The following ST8SIA5 variants were observed in gnomAD, a reference collection of about 807,000 sequenced individuals.
ST8SIA5 encodes alpha-2,8-sialyltransferase 8E.
ST8SIA5 carries 24 observed loss-of-function variants against 40.2 expected under a neutral mutation model. The observed-to-expected ratio is 0.60, with a 90% CI of 0.43 to 0.84. ST8SIA5 has a LOEUF of 0.84. Among genes scored for constraint, ST8SIA5 ranks in the 40% least tolerant of loss-of-function variants. The pLI, the probability that ST8SIA5 is intolerant of heterozygous loss-of-function variation, is 0.00. For missense variants in ST8SIA5, 465 were observed against 498.5 expected, an observed-to-expected ratio of 0.93 and a Z score of 0.64; for synonymous variants, 198 against 201.8, an observed-to-expected ratio of 0.98 and a Z score of 0.16.
intron 1 of ST8SIA5, among the ~76,000 whole-genome samples, chr18:46,754,201 G>C (rs1159817851): frequency 6.6e-6 from 1 of 152,122 alleles, no homozygotes; most frequent in Non-Finnish European, 1.5e-5. Context: ...TGCAGTGTAG[G>C]TAGGGTCAGG....
intron 1 of ST8SIA5, among the ~76,000 whole-genome samples, chr18:46,726,646 C>T (rs371623222): frequency 2.0e-5 from 3 of 151,568 alleles, no homozygotes; most frequent in African/African-American, 4.8e-5. Context: ...AGGCCAGGCA[C>T]GGTGGCTCGT....
chr18:46,733,633 TG>T (rs1483113623), intron 1 of ST8SIA5, among the ~76,000 whole-genome samples: 3 of 140,948 alleles, frequency 2.1e-5, no homozygotes, highest in Non-Finnish European at 4.7e-5. Context: ...GGGCTTGGGG[TG>T]GGGGAGGAAT....
Position 46,750,134 on chromosome 18 carries a change from T to C in ST8SIA5, c.131+6244A>G, listed in dbSNP as rs116235652. ...TAACAGAAAACATTCAAACTCTTTATGGAGAATTATAAAACTCCATTGAAA... is the reference window on the plus strand; with the variant it reads ...TAACAGAAAACATTCAAACTCTTTACGGAGAATTATAAAACTCCATTGAAA... On this transcript the variant is annotated intron_variant, in intron 1 of 6. Coordinates refer to ENST00000315087, the MANE Select transcript of ST8SIA5 (RefSeq NM_013305.6). Among the ~76,000 whole-genome samples, 113 of 152,346 alleles carry C rather than the reference T, an allele frequency of 7.4e-4. 1 individual carries two copies. The highest frequency in any genetic ancestry group is 2.7e-3 in the African/African-American group (111 of 41,572).
intron 1 of ST8SIA5, among the ~76,000 whole-genome samples, chr18:46,748,489 G>A (rs929579167): frequency 8.0e-5 from 12 of 149,402 alleles, no homozygotes; most frequent in Non-Finnish European, 1.3e-4. Flanking sequence ...ACTTGAAACC[G>A]GGAGGCAGAG....
chr18:46,743,440 C>T (rs532907262), intron 1 of ST8SIA5, among the ~76,000 whole-genome samples: 1 of 152,054 alleles, frequency 6.6e-6, no homozygotes, highest in African/African-American at 2.4e-5. Context: ...ATAGCCGATT[C>T]GATCAAGTGG....
rs571523225 is a variant in ST8SIA5 at position 46,750,586 on chromosome 18, C to T, written c.131+5792G>A. Among the ~76,000 whole-genome samples the T allele has an allele frequency of 2.0e-5, 3 of 152,310 alleles. No homozygotes were observed. The East Asian group carries it at 5.8e-4, about 29-fold the overall frequency. ...ACTTCTCTCTCCCAAACTGTCTTTG[C>T]CTCTACTGCCAACCCAGCAGACACC... On this transcript the variant is annotated intron_variant, in intron 1 of 6. Coordinates refer to ENST00000315087, the MANE Select transcript of ST8SIA5 (RefSeq NM_013305.6).
Position 46,676,879 on chromosome 18 carries a change from T to C in ST8SIA5, c.*3163A>G, listed in dbSNP as rs1599092577. 1 of 152,306 alleles carries C rather than the reference T, an allele frequency of 6.6e-6. No homozygotes were observed. Among genetic ancestry groups the C allele is most frequent in the East Asian group, 1.9e-4 (1 of 5,182 alleles). The allele number at this position is 152,306 out of a possible 1,614,324, so 9.4% of individuals were successfully genotyped here. ...TGAGCCTTTGAAAAAATGTTTTTCT[T>C]ATAAACACTGGCTGCAGCAGAAAAA... On this transcript the variant is annotated 3_prime_UTR_variant, in exon 7 of 7. Transcript: ENST00000315087.
intron 1 of ST8SIA5, 86 bp from the exon 2 acceptor site, chr18:46,704,750 C>T: frequency 8.8e-7 from 1 of 1,132,670 alleles, no homozygotes; most frequent in Non-Finnish European, 1.3e-6. Flanking sequence ...GGTGGAGTGT[C>T]TGTCCCAGTG....
At chr18:46,733,121 G>A (rs1053112653) in intron 1 of ST8SIA5, among the ~76,000 whole-genome samples, 1 of 152,088 alleles carries the variant, frequency 6.6e-6, no homozygotes, top group Non-Finnish European at 1.5e-5. Flanking sequence ...AGACCCCCAG[G>A]GTCTTCACAC....
intron 2 of ST8SIA5, among the ~76,000 whole-genome samples, chr18:46,703,258 G>A (rs2039635970): frequency 6.6e-6 from 1 of 152,146 alleles, no homozygotes; most frequent in African/African-American, 2.4e-5. Context: ...CCATTCTCCT[G>A]CCTCAGCCTC....
intron 1 of ST8SIA5, among the ~76,000 whole-genome samples, chr18:46,725,972 A>AAAAATATATATAT (rs59660372): frequency 2.5e-3 from 73 of 29,022 alleles, no homozygotes; most frequent in Non-Finnish European, 3.6e-3. Context: ...AAAAAAAAAA[A>AAAAATATATATAT]ATATATATAT....
intron 2 of ST8SIA5, among the ~76,000 whole-genome samples, chr18:46,699,835 G>A (rs1257690160): frequency 6.6e-6 from 1 of 152,200 alleles, no homozygotes; most frequent in East Asian, 1.9e-4. Flanking sequence ...ACCTCCACCT[G>A]GCAGAGGACA....
At chr18:46,753,563 A>G (rs2040214460) in intron 1 of ST8SIA5, among the ~76,000 whole-genome samples, 1 of 149,072 alleles carries the variant, frequency 6.7e-6, no homozygotes, top group African/African-American at 2.5e-5. Context: ...ACACAGTGAG[A>G]CTCCATCTCA....
intron 1 of ST8SIA5, among the ~76,000 whole-genome samples, chr18:46,749,521 G>A (rs978254925): frequency 6.6e-6 from 1 of 152,038 alleles, no homozygotes; most frequent in Non-Finnish European, 1.5e-5. Context: ...ATGAAAGAAA[G>A]AAAAATGTCT....
Position 46,686,158 on chromosome 18 carries a change from C to A in ST8SIA5, c.569+16G>T. ...CCATGGGGTAGTGGCAAGGGCAGTG[C>A]CAGGGTTTCTTTTACCGGAAGACGA... is the stretch of plus-strand genomic sequence containing the variant. On this transcript the variant is annotated intron_variant, in intron 5 of 6. Coordinates refer to ENST00000315087, the MANE Select transcript of ST8SIA5 (RefSeq NM_013305.6). 3 of 1,613,250 alleles carry A rather than the reference C, an allele frequency of 1.9e-6. No homozygotes were observed. The highest frequency in any genetic ancestry group is 2.5e-6 in the Non-Finnish European group (3 of 1,179,230).
chr18:46,743,196 C>T (rs894986999), intron 1 of ST8SIA5, among the ~76,000 whole-genome samples: 1 of 152,218 alleles, frequency 6.6e-6, no homozygotes, highest in African/African-American at 2.4e-5. Context: ...TGGAACAAAG[C>T]TGGACAGAGA....
chr18:46,700,198 G>A (rs2039597991), intron 2 of ST8SIA5, among the ~76,000 whole-genome samples: 1 of 152,226 alleles, frequency 6.6e-6, no homozygotes, highest in African/African-American at 2.4e-5. Context: ...CAGGGAGGGA[G>A]GCATTTTCCA....
At position 46,680,140 on chromosome 18, in the gene ST8SIA5, G is replaced by C. The variant is rs2039373710; in HGVS notation, c.1033C>G (p.Pro345Ala). The change falls in exon 7 of 7, where the codon CCC (proline) becomes GCC (alanine). Residue 345 changes from proline (P) to alanine (A), a missense_variant. Transcript: ENST00000315087. ...HHYYDNVKPR[P>A]GFHAMPSEIF... Reference sequence around the variant, plus strand: ...TCAGAGGGCATGGCGTGGAAGCCGGGACGCGGCTTGACGTTGTCATAGTAG... The same window carrying C: ...TCAGAGGGCATGGCGTGGAAGCCGGCACGCGGCTTGACGTTGTCATAGTAG... 2 of 1,614,262 alleles carry C rather than the reference G, an allele frequency of 1.2e-6. No individual in the cohort carries two copies. The highest frequency in any genetic ancestry group is 2.7e-5 in the African/African-American group (2 of 75,084).
chr18:46,727,330 C>T (rs2144539592), intron 1 of ST8SIA5, among the ~76,000 whole-genome samples: 1 of 152,288 alleles, frequency 6.6e-6, no homozygotes, highest in South Asian at 2.1e-4. Flanking sequence ...TCAGCCAGGT[C>T]CCTGGTTGTG....
Sources: gnomAD v4.1 joint callset for allele counts (sites outside exome capture counted in the v4.1 genomes callset) on GRCh38, gnomAD v4.1.1 for gene constraint, MANE v1.5 for transcripts, NCBI Gene and HGNC (gene_info 2026-07-23, HGNC 2026-07-21) for gene names.